The following PRELID3B variants were observed in gnomAD, a reference collection of about 807,000 sequenced individuals.
PRELID3B encodes PRELI domain containing protein 3B.
In PRELID3B, 15 loss-of-function variants were observed where a neutral mutation model predicts 24.0. The observed-to-expected ratio is 0.63, with a 90% CI of 0.42 to 0.96. The LOEUF is 0.96. PRELID3B is among the 40% of genes least tolerant of loss of function. PRELID3B has a pLI of 0.00. For missense variants in PRELID3B, 189 were observed against 236.0 expected (o/e 0.80, Z 1.30); for synonymous variants, 62 against 76.0 (o/e 0.82, Z 0.96).
At position 59,034,289 on chromosome 20, in the gene PRELID3B, AT is replaced by A. The variant is rs977391908; in HGVS notation, c.*717del. The A allele has an allele frequency of 6.6e-6, 1 of 152,174 alleles. No individual in the cohort carries two copies. The highest frequency in any genetic ancestry group is 2.4e-5 in the African/African-American group (1 of 41,408). 9.4% of individuals were successfully genotyped at this position (152,174 alleles called of 1,614,324 possible). A position where few individuals can be genotyped will look rare whatever the true frequency, so the allele number is the denominator to read the frequency against. On this transcript the variant is annotated 3_prime_UTR_variant, in exon 6 of 6. Coordinates refer to ENST00000355937, the MANE Select transcript of PRELID3B (RefSeq NM_016045.3). The stretch of plus-strand genomic sequence containing the variant: ...ACTGCAAAACTCAGGTAATGACTTT[AT>A]TTTTTTCAGTTAACATAACCAGCCC...
intron 5 of PRELID3B, 41 bp from the exon 6 acceptor site, chr20:59,035,167 G>A (rs1262660917): frequency 6.4e-7 from 1 of 1,570,268 alleles, no homozygotes; most frequent in South Asian, 1.2e-5. Context: ...CTGAGGGAGA[G>A]CAAAGGCATA....
At position 59,036,746 on chromosome 20, in the gene PRELID3B, G is replaced by T; in HGVS notation, c.306C>A (p.Asn102Lys). 7 of 1,559,300 alleles carry T rather than the reference G, an allele frequency of 4.5e-6. No individual in the cohort carries two copies. Among genetic ancestry groups the T allele is most frequent in the Non-Finnish European group, 6.1e-6 (7 of 1,141,464 alleles). The change falls in exon 4 of 6, where the codon AAC becomes AAA. Residue 102 changes from asparagine (N) to lysine (K), a missense_variant. Coordinates refer to ENST00000355937, the MANE Select transcript of PRELID3B (RefSeq NM_016045.3). ...TAAGTCTCTCATCTACTGAAACCATGTTTGTAAATGAAATCTACAGAATGA... is the reference window on the plus strand; with the variant it reads ...TAAGTCTCTCATCTACTGAAACCATTTTTGTAAATGAAATCTACAGAATGA... ...ELKSTNISFT[N>K]MVSVDERLIY... is the part of the protein sequence containing the mutation.
chr20:59,041,210 T>C (rs1035753734), intron 1 of PRELID3B, among the ~76,000 whole-genome samples: 1 of 152,120 alleles, frequency 6.6e-6, no homozygotes, highest in African/African-American at 2.4e-5. Flanking sequence ...AAATTAAACA[T>C]CCTCGGAGCT....
In PRELID3B at chr20:59,041,294, C is replaced by T. The variant is rs552284148; in HGVS notation, c.32+1405G>A. ...CCACAAATTTCGGGTCTTTTTCCTC[C>T]CAAAAAGACTAAACAGTAGGGGGAA... On this transcript the variant is annotated intron_variant, in intron 1 of 5. Coordinates refer to ENST00000355937, the MANE Select transcript of PRELID3B (RefSeq NM_016045.3). 1.2e-4 allele frequency among the ~76,000 whole-genome samples: 19 copies of T among 152,232 alleles called. No homozygotes were observed. The South Asian group carries it at 3.3e-3, about 27-fold the overall frequency.
At chr20:59,036,367 G>C (rs2092072153) in intron 5 of PRELID3B, 104 bp downstream of exon 5, 1 of 841,628 alleles carries the variant, frequency 1.2e-6, no homozygotes. Context: ...TCCTATGGTA[G>C]AATGGGCAAG....
Position 59,036,488 on chromosome 20 carries a change from A to C in PRELID3B, c.448T>G (p.Ser150Ala), listed in dbSNP as rs746658363. The C allele has an allele frequency of 5.0e-6, 8 of 1,612,886 alleles. No individual in the cohort carries two copies. The Admixed American group carries it at 1.3e-4, about 27-fold the overall frequency. ...YLEGLMASTISSNASKGREAM... is the reference protein window; with the variant it reads ...YLEGLMASTIASNASKGREAM... ...TCACTTACTTTACTAGCATTTGAGG[A>C]TATCGTACTTGCCATCAGTCCTTCA... is the stretch of plus-strand genomic sequence containing the variant. The change falls in exon 5 of 6, where the codon TCC becomes GCC. Residue 150 changes from serine to alanine, a missense_variant. Transcript: ENST00000355937.
intron 5 of PRELID3B, 141 bp downstream of exon 5, chr20:59,036,330 T>A: frequency 1.6e-6 from 1 of 638,326 alleles, no homozygotes; most frequent in Non-Finnish European, 2.7e-6. Flanking sequence ...AGAGCCTTTG[T>A]AAGTAACTGC....
In PRELID3B at chr20:59,034,443, T is replaced by C. The variant is rs1266157959; in HGVS notation, c.*564A>G. 6.5e-6 allele frequency: 1 copy of C among 152,718 alleles called. No individual in the cohort carries two copies. Among genetic ancestry groups the C allele is most frequent in the Non-Finnish European group, 1.5e-5 (1 of 68,064 alleles). The allele number at this position is 152,718 out of a possible 1,614,324, so 9.5% of individuals were successfully genotyped here. ...AACCATACTTTTGTTGGAGTCATGT[T>C]ACTTTAGTGATAATTTTCACTCCAA... is the stretch of plus-strand genomic sequence containing the variant. On this transcript the variant is annotated 3_prime_UTR_variant, in exon 6 of 6. Coordinates refer to ENST00000355937, the MANE Select transcript of PRELID3B (RefSeq NM_016045.3).
chr20:59,035,865 G>A (rs993096222), intron 5 of PRELID3B, among the ~76,000 whole-genome samples: 3 of 152,152 alleles, frequency 2.0e-5, no homozygotes, highest in African/African-American at 7.2e-5. Flanking sequence ...AGTATCTCTT[G>A]ATAACCACAT....
chr20:59,034,760 A>G lies in PRELID3B; in HGVS notation c.*247T>C, dbSNP rs2092058055. 2.8e-6 allele frequency: 1 copy of G among 362,538 alleles called. No individual in the cohort carries two copies. Among genetic ancestry groups the G allele is most frequent in the African/African-American group, 2.1e-5 (1 of 47,688 alleles). The allele number at this position is 362,538 out of a possible 1,614,324, so 22.5% of individuals were successfully genotyped here. On this transcript the variant is annotated 3_prime_UTR_variant, in exon 6 of 6. Transcript: ENST00000355937. ...CCAGTTTCCAAGGAGTTCTTGTTGAATTTTCACAGAAATACTGGAACCCTC... is the reference window on the plus strand; with the variant it reads ...CCAGTTTCCAAGGAGTTCTTGTTGAGTTTTCACAGAAATACTGGAACCCTC...
intron 3 of PRELID3B, 120 bp from the exon 4 acceptor site, chr20:59,036,880 C>G: frequency 1.5e-6 from 1 of 687,030 alleles, no homozygotes; most frequent in Non-Finnish European, 2.4e-6. Flanking sequence ...AAATAAACCG[C>G]TGCTATTATT....
At chr20:59,036,098 G>A (rs930676904) in intron 5 of PRELID3B, among the ~76,000 whole-genome samples, 1 of 150,710 alleles carries the variant, frequency 6.6e-6, no homozygotes, top group Non-Finnish European at 1.5e-5. Flanking sequence ...GTGAAAAAAG[G>A]TTGAGAAACA....
At chr20:59,037,437 CT>C (rs1306937732) in intron 2 of PRELID3B, 157 bp from the exon 3 acceptor site, 1 of 691,684 alleles carries the variant, frequency 1.4e-6, no homozygotes, top group African/African-American at 1.8e-5. Flanking sequence ...GAAAGGAGGC[CT>C]ATTCACATAT....
chr20:59,038,750 G>A (rs1272482274), intron 1 of PRELID3B, 116 bp from the exon 2 acceptor site: 1 of 1,290,716 alleles, frequency 7.7e-7, no homozygotes. Context: ...AGTTTAATGA[G>A]TTTACCTAGG....
chr20:59,033,875 CAAATAAGGAATTCCCGTT>C lies in PRELID3B; in HGVS notation c.*1114_*1131del. 1 of 152,270 alleles carries C rather than the reference CAAATAAGGAATTCCCGTT, an allele frequency of 6.6e-6. No individual in the cohort carries two copies. The highest frequency in any genetic ancestry group is 2.1e-4 in the South Asian group (1 of 4,824). 9.4% of individuals were successfully genotyped at this position (152,270 alleles called of 1,614,324 possible). ...GTTTGCAGCTGCCCTCTTGACATCC[CAAATAAGGAATTCCCGTT>C]AAGTAAAACCTGCAGTGCAATTCAC... is the stretch of plus-strand genomic sequence containing the variant. On this transcript the variant is annotated 3_prime_UTR_variant, in exon 6 of 6. Transcript: ENST00000355937.
Position 59,042,785 on chromosome 20 carries a change from A to C in PRELID3B, c.-55T>G. On this transcript the variant is annotated 5_prime_UTR_variant, in exon 1 of 6. Transcript: ENST00000355937. ...AGCGCCAGGGGACAACGAGGCACAG[A>C]GGCTACACCTGCCCCTGCCCCGCCC... 6.4e-7 allele frequency: 1 copy of C among 1,563,274 alleles called. No individual in the cohort carries two copies. Among genetic ancestry groups the C allele is most frequent in the Non-Finnish European group, 8.7e-7 (1 of 1,152,658 alleles).
chr20:59,035,962 C>A (rs1030664307), intron 5 of PRELID3B, among the ~76,000 whole-genome samples: 1 of 152,066 alleles, frequency 6.6e-6, no homozygotes, highest in South Asian at 2.1e-4. Context: ...AAAATTGGTT[C>A]TTGGGGGGAT....
chr20:59,033,822 CAA>C lies in PRELID3B; in HGVS notation c.*1183_*1184del, dbSNP rs2092051074. ...TAATTGCCTGCTACAATACATAAAA[CAA>C]AGTACATTTACTGGATTGTTTTTCA... is the stretch of plus-strand genomic sequence containing the variant. On this transcript the variant is annotated 3_prime_UTR_variant, in exon 6 of 6. Transcript: ENST00000355937. 6.6e-6 allele frequency: 1 copy of C among 152,268 alleles called. No individual in the cohort carries two copies. The highest frequency in any genetic ancestry group is 2.4e-5 in the African/African-American group (1 of 41,558). The allele number at this position is 152,268 out of a possible 1,614,324, so 9.4% of individuals were successfully genotyped here. A position where few individuals can be genotyped will look rare whatever the true frequency, so the allele number is the denominator to read the frequency against.
At chr20:59,037,303 G>A (rs1015906778) in intron 2 of PRELID3B, 23 bp from the exon 3 acceptor site, 1 of 1,510,202 alleles carries the variant, frequency 6.6e-7, no homozygotes, top group Non-Finnish European at 9.2e-7. Context: ...TTCAGAACTA[G>A]GAATCAGAGG....
Sources: allele counts gnomAD v4.1 joint callset (sites outside exome capture counted in the v4.1 genomes callset), GRCh38; gene constraint gnomAD v4.1.1; transcripts MANE v1.5; gene names NCBI Gene and HGNC (gene_info 2026-07-23, HGNC 2026-07-21).